PTPN11: variants seen among roughly 807,000 people sequenced by gnomAD.
PTPN11 encodes the protein tyrosine-protein phosphatase non-receptor type 11.
Under a neutral mutation model 78.8 loss-of-function variants are expected in PTPN11, and 6 were observed. That is an observed-to-expected ratio of 0.08 (90% confidence interval 0.04 to 0.15). The LOEUF (loss-of-function observed/expected upper bound fraction) is 0.15. Ranked by LOEUF, PTPN11 falls within the 10% of genes least tolerant of loss-of-function variation. The pLI is 1.00. For synonymous variants in PTPN11, 221 were observed against 263.5 expected, an observed-to-expected ratio of 0.84 and a Z score of 1.56; for missense variants, 386 against 744.8, an observed-to-expected ratio of 0.52 and a Z score of 5.61.
intron 1 of PTPN11, among the ~76,000 whole-genome samples, chr12:112,430,617 T>C (rs1594130846): frequency 6.6e-6 from 1 of 152,170 alleles, no homozygotes; most frequent in East Asian, 1.9e-4. Flanking sequence ...TTTTTTTTTT[T>C]TCTAGAGATG....
At chr12:112,448,126 C>T (rs1176966189) in intron 2 of PTPN11, among the ~76,000 whole-genome samples, 1 of 151,856 alleles carries the variant, frequency 6.6e-6, no homozygotes, top group African/African-American at 2.4e-5. Context: ...CTTACTCCTA[C>T]TCCCTTGCAC....
At chr12:112,478,938 G>A (rs2038553265) in intron 9 of PTPN11, among the ~76,000 whole-genome samples, 1 of 152,046 alleles carries the variant, frequency 6.6e-6, no homozygotes. Flanking sequence ...TTGCCATGTT[G>A]GCCAGGCTGG....
At position 112,471,713 on chromosome 12, in the gene PTPN11, G is replaced by T. The variant is rs185743662; in HGVS notation, c.757-1231G>T. Reference sequence around the variant, plus strand: ...AAGGACTTCATAATCCTGCTACCCTGGGAGAAAAAAAAAATCACCATTACC... The same window carrying T: ...AAGGACTTCATAATCCTGCTACCCTTGGAGAAAAAAAAAATCACCATTACC... On this transcript the variant is annotated intron_variant, in intron 6 of 15. Transcript: ENST00000351677. 7.1e-3 allele frequency among the ~76,000 whole-genome samples: 1,058 copies of T among 149,418 alleles called. 17 individuals are homozygous for T. The highest frequency in any genetic ancestry group is 0.025 in the African/African-American group (1,015 of 40,842).
intron 1 of PTPN11, among the ~76,000 whole-genome samples, chr12:112,440,275 A>T (rs2037864738): frequency 6.6e-6 from 1 of 152,000 alleles, no homozygotes; most frequent in Non-Finnish European, 1.5e-5. Context: ...ATTCTGTCTC[A>T]ATTTTCCTTT....
At chr12:112,503,627 A>G (rs73427531) in intron 14 of PTPN11, among the ~76,000 whole-genome samples, 87 of 152,284 alleles carry the variant, frequency 5.7e-4, no homozygotes, top group African/African-American at 1.4e-3. Flanking sequence ...ATAATTTGCA[A>G]TGGAACTGGA....
rs2037468589 is a variant in PTPN11, at chr12:112,418,976, G to A, written c.-136G>A. 10 of 1,064,966 alleles carry A rather than the reference G, an allele frequency of 9.4e-6. No homozygotes were observed. In the South Asian group the frequency reaches 9.6e-5, roughly 10 times the overall value. The allele number at this position is 1,064,966 out of a possible 1,614,324, so 66.0% of individuals were successfully genotyped here. ...TCCGGGATCCCCAGGCCTGGAGGGG[G>A]GTCTGTGCGCGGCCGGCTGGCTCTG... On this transcript the variant is annotated 5_prime_UTR_variant, in exon 1 of 16. Coordinates refer to ENST00000351677, the MANE Select transcript of PTPN11 (RefSeq NM_002834.5).
chr12:112,438,884 C>CAAAA (rs761608885), intron 1 of PTPN11, among the ~76,000 whole-genome samples: 17 of 152,130 alleles, frequency 1.1e-4, no homozygotes, highest in Non-Finnish European at 1.9e-4. Context: ...CCTAGCCTGC[C>CAAAA]AAAACACTGG....
In PTPN11 at chr12:112,419,142, G is replaced by C. The variant is rs893839204; in HGVS notation, c.14+17G>C. 5 of 1,507,330 alleles carry C rather than the reference G, an allele frequency of 3.3e-6. No homozygotes were observed. Among genetic ancestry groups the C allele is most frequent in the Non-Finnish European group, 4.4e-6 (5 of 1,131,378 alleles). 93.4% of individuals were successfully genotyped at this position (1,507,330 alleles called of 1,614,324 possible). ...ATCGCGGAGGTGAGGAGCCCCGAGG[G>C]GCCCGGCGCGGGCCTCGGCCCGGCC... is the stretch of plus-strand genomic sequence containing the variant. On this transcript the variant is annotated intron_variant, in intron 1 of 15. Transcript: ENST00000351677.
intron 10 of PTPN11, among the ~76,000 whole-genome samples, chr12:112,484,875 C>G (rs575445516): frequency 1.1e-4 from 17 of 149,132 alleles, no homozygotes; most frequent in African/African-American, 4.0e-4. Context: ...CAACAGAGTG[C>G]CCAGTTAAAA....
Position 112,419,071 on chromosome 12 carries a change from C to T in PTPN11, c.-41C>T. ...GTGACCGAGCCCAGCGGAGCCTGAGCAAGGAGCGGGTCCGTCGCGGAGCCG... is the reference window on the plus strand; with the variant it reads ...GTGACCGAGCCCAGCGGAGCCTGAGTAAGGAGCGGGTCCGTCGCGGAGCCG... On this transcript the variant is annotated 5_prime_UTR_variant, in exon 1 of 16. Transcript: ENST00000351677. 1 of 1,534,910 alleles carries T rather than the reference C, an allele frequency of 6.5e-7. No homozygotes were observed. Among genetic ancestry groups the T allele is most frequent in the Non-Finnish European group, 8.7e-7 (1 of 1,143,150 alleles).
At chr12:112,442,961 G>GTA (rs1435703681) in intron 1 of PTPN11, among the ~76,000 whole-genome samples, 1 of 141,782 alleles carries the variant, frequency 7.1e-6, no homozygotes, top group Non-Finnish European at 1.5e-5. Context: ...AAATACACAT[G>GTA]TATATATACA....
chr12:112,467,676 G>C lies in PTPN11; in HGVS notation c.757-5268G>C, dbSNP rs888631312. ...TGCCCAGCTGATTTTTGTATTTTTA[G>C]CAGAGACAGGGTTTCACCATGTTGG... On this transcript the variant is annotated intron_variant, in intron 6 of 15. Coordinates refer to ENST00000351677, the MANE Select transcript of PTPN11 (RefSeq NM_002834.5). 2.6e-5 allele frequency among the ~76,000 whole-genome samples: 4 copies of C among 152,198 alleles called. No homozygotes were observed. The East Asian group carries it at 7.7e-4, about 29-fold the overall frequency.
At position 112,432,204 on chromosome 12, in the gene PTPN11, A is replaced by G. The variant is rs12578901; in HGVS notation, c.14+13079A>G. 4.6e-5 allele frequency among the ~76,000 whole-genome samples: 7 copies of G among 152,328 alleles called. No individual in the cohort carries two copies. The East Asian group carries it at 1.3e-3, about 29-fold the overall frequency. The stretch of plus-strand genomic sequence containing the variant: ...GTTTGGTAATGTATGTAGTATTGGC[A>G]CAAGTGAGGGAAAACAGGGGATTTC... On this transcript the variant is annotated intron_variant, in intron 1 of 15. Coordinates refer to ENST00000351677, the MANE Select transcript of PTPN11 (RefSeq NM_002834.5).
intron 2 of PTPN11, among the ~76,000 whole-genome samples, chr12:112,447,367 C>T (rs1234974657): frequency 7.2e-5 from 11 of 152,044 alleles, no homozygotes; most frequent in Admixed American, 7.2e-4. Flanking sequence ...TATAGTTGTA[C>T]TGCACTTGTA....
At chr12:112,423,639 A>G (rs1271465057) in intron 1 of PTPN11, among the ~76,000 whole-genome samples, 1 of 151,714 alleles carries the variant, frequency 6.6e-6, no homozygotes, top group African/African-American at 2.4e-5. Flanking sequence ...ATGTGTATAT[A>G]TGTATATTTG....
intron 6 of PTPN11, among the ~76,000 whole-genome samples, 191 bp downstream of exon 6, chr12:112,456,254 G>A (rs1209256554): frequency 1.3e-5 from 2 of 152,102 alleles, no homozygotes; most frequent in African/African-American, 4.8e-5. Context: ...GTGTTCTGAG[G>A]GAAGGGAGTT....
At chr12:112,497,033 G>A (rs193217166) in intron 13 of PTPN11, among the ~76,000 whole-genome samples, 3 of 152,114 alleles carry the variant, frequency 2.0e-5, no homozygotes, top group South Asian at 2.1e-4. Flanking sequence ...TTAGCCAGGC[G>A]TAGTGGTGTG....
chr12:112,469,135 T>G (rs1044334697), intron 6 of PTPN11, among the ~76,000 whole-genome samples: 1 of 152,116 alleles, frequency 6.6e-6, no homozygotes, highest in South Asian at 2.1e-4. Flanking sequence ...AAATGAGTAT[T>G]GATGAGGATT....
chr12:112,480,102 G>C (rs768261625), intron 9 of PTPN11, among the ~76,000 whole-genome samples: 7 of 152,176 alleles, frequency 4.6e-5, no homozygotes, highest in African/African-American at 7.2e-5. Context: ...TAGAAACTAG[G>C]GGGAGGGCTG....
Sources: allele counts gnomAD v4.1 joint callset (sites outside exome capture counted in the v4.1 genomes callset), GRCh38; gene constraint gnomAD v4.1.1; transcripts MANE v1.5; gene names NCBI Gene and HGNC (gene_info 2026-07-23, HGNC 2026-07-21).